Variants in MYO1C observed in about 807,000 individuals in gnomAD.
MYO1C encodes the protein unconventional myosin-Ic.
MYO1C carries 104 observed loss-of-function variants against 150.8 expected under a neutral mutation model. The observed-to-expected ratio is 0.69, with a 90% CI of 0.59 to 0.81. The LOEUF (loss-of-function observed/expected upper bound fraction) is 0.81. Among genes scored for constraint, MYO1C ranks in the 30% least tolerant of loss-of-function variants. MYO1C has a pLI of 0.00. For missense variants in MYO1C, 1,504 were observed against 1,435.0 expected, an observed-to-expected ratio of 1.05 and a Z score of -0.78; for synonymous variants, 663 against 579.9, an observed-to-expected ratio of 1.14 and a Z score of -2.06.
In MYO1C at chr17:1,478,882, G is replaced by A; in HGVS notation, c.1093-147C>T. On this transcript the variant is annotated intron_variant, in intron 9 of 31. Transcript: ENST00000648651. The surrounding 1 kb of genome is among the most constrained non-coding windows in gnomAD (Gnocchi z 6.3). ...CAGTATGGGGAGGGGTGCTGGTAGT[G>A]GGACCTCAGGGAGGACAGGTGGCCA... The A allele has an allele frequency of 7.6e-7, 1 of 1,316,888 alleles. No homozygotes were observed. The highest frequency in any genetic ancestry group is 2.5e-5 in the East Asian group (1 of 39,978). 81.6% of individuals were successfully genotyped at this position (1,316,888 alleles called of 1,614,324 possible).
At chr17:1,473,905 C>G (rs1367276769) in intron 17 of MYO1C, among the ~76,000 whole-genome samples, 2 of 152,176 alleles carry the variant, frequency 1.3e-5, no homozygotes, top group Admixed American at 6.5e-5. Flanking sequence ...TTGCAAAGCA[C>G]CCTGTGCACA....
In MYO1C at chr17:1,484,003, C is replaced by T. The variant is rs945730926; in HGVS notation, c.231+145G>A. ...GTTACAGTGAGCTGAGATCGCGCCA[C>T]TGCACTCCAGCCTGGGCAACAAGAG... On this transcript the variant is annotated intron_variant, in intron 2 of 31. Coordinates refer to ENST00000648651, the MANE Select transcript of MYO1C (RefSeq NM_001080779.2). 308 of 1,062,244 alleles carry T rather than the reference C, an allele frequency of 2.9e-4. 1 individual carries two copies. The highest frequency in any genetic ancestry group is 3.9e-4 in the Non-Finnish European group (286 of 732,958). 65.8% of individuals were successfully genotyped at this position (1,062,244 alleles called of 1,614,324 possible).
intron 17 of MYO1C, among the ~76,000 whole-genome samples, chr17:1,474,289 A>C (rs2074357738): frequency 6.6e-6 from 1 of 152,020 alleles, no homozygotes; most frequent in Non-Finnish European, 1.5e-5. Flanking sequence ...TTAGCCGGGC[A>C]TGGTGGCAGG....
At position 1,468,129 on chromosome 17, in the gene MYO1C, G is replaced by A. The variant is rs2074219095; in HGVS notation, c.2761-6C>T. The A allele has an allele frequency of 2.5e-6, 4 of 1,613,344 alleles. No individual in the cohort carries two copies. Among genetic ancestry groups the A allele is most frequent in the Non-Finnish European group, 3.4e-6 (4 of 1,180,010 alleles). On this transcript the variant is annotated splice_polypyrimidine_tract_variant and splice_region_variant and intron_variant, in intron 27 of 31. Transcript: ENST00000648651. Reference sequence around the variant, plus strand: ...TTCACAACAGGCACCGCATACTGGGGACAGAGGCCAGGCTGAAGGGGCTGG... The same window carrying A: ...TTCACAACAGGCACCGCATACTGGGAACAGAGGCCAGGCTGAAGGGGCTGG...
intron 25 of MYO1C, chr17:1,469,169 T>G: frequency 2.7e-6 from 1 of 363,672 alleles, no homozygotes; most frequent in East Asian, 6.9e-5. Flanking sequence ...GTAAACAGAG[T>G]AGACCGGGGT....
At chr17:1,489,212 G>A (rs908475270) in intron 1 of MYO1C, among the ~76,000 whole-genome samples, 11 of 152,366 alleles carry the variant, frequency 7.2e-5, no homozygotes, top group African/African-American at 2.6e-4. Context: ...ACCAAGGACC[G>A]TTCCAGACCT....
At chr17:1,473,495 A>C (rs1330286226) in intron 17 of MYO1C, among the ~76,000 whole-genome samples, 1 of 135,596 alleles carries the variant, frequency 7.4e-6, no homozygotes, top group Non-Finnish European at 1.7e-5. Flanking sequence ...GGGCAGGGGC[A>C]CAGTGAGCCA....
At chr17:1,468,644 C>T in intron 25 of MYO1C, 148 bp from the exon 26 acceptor site, 1 of 675,102 alleles carries the variant, frequency 1.5e-6, no homozygotes, top group Non-Finnish European at 2.6e-6. Flanking sequence ...CCCTGCCCCC[C>T]ACACGCCCAT....
chr17:1,485,808 C>CCGCACCGCCCCT (rs2074644161), intron 1 of MYO1C: 1 of 681,926 alleles, frequency 1.5e-6, no homozygotes, highest in Non-Finnish European at 1.8e-6. Context: ...GGCCCGCCCC[C>CCGCACCGCCCCT]CGCACCGCCC....
intron 1 of MYO1C, among the ~76,000 whole-genome samples, chr17:1,488,056 C>A (rs2074686920): frequency 6.6e-6 from 1 of 152,216 alleles, no homozygotes; most frequent in Non-Finnish European, 1.5e-5. Context: ...AGCTCTCTCC[C>A]TGCCCCGCGA....
intron 31 of MYO1C, among the ~76,000 whole-genome samples, chr17:1,466,610 G>A (rs939789080): frequency 2.7e-5 from 4 of 148,608 alleles, no homozygotes; most frequent in Non-Finnish European, 4.4e-5. Context: ...TTACAGGCGT[G>A]AGCCACTGTG....
At chr17:1,481,008 C>T in intron 5 of MYO1C, 123 bp from the exon 6 acceptor site, 1 of 1,092,256 alleles carries the variant, frequency 9.2e-7, no homozygotes, top group South Asian at 1.4e-5. Context: ...CCAGCCCTGC[C>T]ACTAGCTGCG....
Position 1,478,956 on chromosome 17 carries a change from G to A in MYO1C, c.1093-221C>T, listed in dbSNP as rs2074456275. 6.6e-6 allele frequency among the ~76,000 whole-genome samples: 1 copy of A among 152,144 alleles called. No homozygotes were observed. The highest frequency in any genetic ancestry group is 1.5e-5 in the Non-Finnish European group (1 of 68,030). ...GACAGGAGGCCTCCTTCCCGAGGTG[G>A]GAGTCTGGTTCTAGCCGGACTGTTA... On this transcript the variant is annotated intron_variant, in intron 9 of 31. Coordinates refer to ENST00000648651, the MANE Select transcript of MYO1C (RefSeq NM_001080779.2). This position sits in a 1 kb window ranked among gnomAD's most constrained non-coding sequence, Gnocchi z 6.3.
chr17:1,484,882 A>ACC, intron 1 of MYO1C: 1 of 267,222 alleles, frequency 3.7e-6, no homozygotes, highest in Non-Finnish European at 7.1e-6. Flanking sequence ...TCCCACCCAG[A>ACC]CCCACCCCCA....
In MYO1C at chr17:1,464,564, A is replaced by G. The variant is rs1352892532; in HGVS notation, c.*1162T>C. 6.6e-6 allele frequency: 1 copy of G among 152,646 alleles called. No homozygotes were observed. Among genetic ancestry groups the G allele is most frequent in the Admixed American group, 6.5e-5 (1 of 15,276 alleles). The allele number at this position is 152,646 out of a possible 1,614,324, so 9.5% of individuals were successfully genotyped here. On this transcript the variant is annotated 3_prime_UTR_variant, in exon 32 of 32. Transcript: ENST00000648651. ...ACTCTTAAGACATGATGTGGGTTTT[A>G]TGGGGCTCCCTGGCTCTGGGAGTGG...
At chr17:1,491,759 GC>G (rs1348179642) in intron 1 of MYO1C, 4 of 596,828 alleles carry the variant, frequency 6.7e-6, no homozygotes, top group South Asian at 7.3e-5. Context: ...GCCCCGCCCC[GC>G]CCCGCCTCAG....
At chr17:1,490,689 GGCCCATGATTCACACTCACT>G (rs1316884512) in intron 1 of MYO1C, among the ~76,000 whole-genome samples, 7 of 151,986 alleles carry the variant, frequency 4.6e-5, no homozygotes, top group African/African-American at 1.5e-4. Context: ...CCATATGCCA[GGCCCATGATTCACACTCACT>G]GCTGCTTACC....
intron 14 of MYO1C, chr17:1,477,180 CT>C (rs547771852): frequency 0.027 from 5,830 of 215,542 alleles, 7 homozygotes; most frequent in Middle Eastern, 0.043. Flanking sequence ...ATTTTTTTCC[CT>C]TTTTTTTTTT....
At position 1,491,454 on chromosome 17, in the gene MYO1C, C is replaced by CT. The variant is rs1567539573; in HGVS notation, c.75+958_75+959insA. On this transcript the variant is annotated intron_variant, in intron 1 of 31. Coordinates refer to ENST00000648651, the MANE Select transcript of MYO1C (RefSeq NM_001080779.2). ...GCGCCTCCGGGTCGTGGGACCCCCCCCCCCCGCACGGGTCCACGCGGCCGT... is the reference window on the plus strand; with the variant it reads ...GCGCCTCCGGGTCGTGGGACCCCCCCTCCCCCGCACGGGTCCACGCGGCCGT... The CT allele has an allele frequency of 2.0e-4, 37 of 182,120 alleles. 2 individuals carry two copies. Among genetic ancestry groups the CT allele is most frequent in the African/African-American group, 6.0e-4 (19 of 31,420 alleles). 11.3% of individuals were successfully genotyped at this position (182,120 alleles called of 1,614,324 possible). A position where few individuals can be genotyped will look rare whatever the true frequency, so the allele number is the denominator to read the frequency against.
Sources: allele counts gnomAD v4.1 joint callset (sites outside exome capture counted in the v4.1 genomes callset), GRCh38; gene constraint gnomAD v4.1.1; non-coding constraint Gnocchi (gnomAD v3.1); transcripts MANE v1.5; gene names NCBI Gene and HGNC (gene_info 2026-07-23, HGNC 2026-07-21).